KLHL1: variants seen among roughly 807,000 people sequenced by gnomAD.
KLHL1 encodes kelch like family member 1, also known as kelch-like protein 1.
Under a neutral mutation model 77.7 loss-of-function variants are expected in KLHL1, and 47 were observed. The ratio of observed to expected loss-of-function variants is 0.60; its 90% CI spans 0.48 to 0.77. The LOEUF (loss-of-function observed/expected upper bound fraction) is 0.77. KLHL1 is among the 30% of genes least tolerant of loss of function. KLHL1 has a pLI of 0.00. For synonymous variants in KLHL1, 360 were observed against 325.2 expected (o/e 1.11, Z -1.15); for missense variants, 925 against 910.8 (o/e 1.02, Z -0.20).
At chr13:69,979,342 C>A (rs1884641884) in intron 1 of KLHL1, among the ~76,000 whole-genome samples, 1 of 152,038 alleles carries the variant, frequency 6.6e-6, no homozygotes, top group Admixed American at 6.6e-5. Flanking sequence ...CATTTCCTCA[C>A]ATATCATTTC....
At position 70,107,654 on chromosome 13, in the gene KLHL1, G is replaced by A. The variant is rs774985458; in HGVS notation, c.46C>T (p.Arg16Ter). The stretch of plus-strand genomic sequence containing the variant: ...TGGCTGAAGAGTTTCCAGCGGAGTC[G>A]CAGAATGTGCTTCACATCGAAGTCT... ...RKDFDVKHIL[R>*]LRWKLFSHPS... is the part of the protein sequence containing the mutation. Residue 16 changes from arginine to a stop codon, truncating the protein, a stop_gained, in exon 1 of 11, where the codon CGA becomes TGA. Coordinates refer to ENST00000377844, the MANE Select transcript of KLHL1 (RefSeq NM_020866.3). LOFTEE classifies it high-confidence loss of function. The A allele has an allele frequency of 5.2e-6, 8 of 1,545,166 alleles. No individual in the cohort carries two copies. In the Admixed American group the frequency reaches 1.7e-4, roughly 32 times the overall value.
At chr13:69,937,582 G>A in intron 4 of KLHL1, among the ~76,000 whole-genome samples, 1 of 152,038 alleles carries the variant, frequency 6.6e-6, no homozygotes, top group East Asian at 1.9e-4. Flanking sequence ...TGCTATTCTG[G>A]TGCTATCTCT....
intron 1 of KLHL1, among the ~76,000 whole-genome samples, chr13:70,001,653 TCTATTATCTATC>T (rs1264125489): frequency 2.0e-4 from 25 of 124,130 alleles, no homozygotes; most frequent in African/African-American, 7.0e-4. Flanking sequence ...GGGATATCTA[TCTATTATCTATC>T]TATCTATCTA....
chr13:69,871,814 A>G (rs1880598160), intron 5 of KLHL1, among the ~76,000 whole-genome samples: 1 of 151,644 alleles, frequency 6.6e-6, no homozygotes, highest in East Asian at 1.9e-4. Flanking sequence ...AGACTTTGTC[A>G]GTATGGCTTT....
chr13:70,031,413 T>C (rs997031748), intron 1 of KLHL1, among the ~76,000 whole-genome samples: 2 of 152,158 alleles, frequency 1.3e-5, no homozygotes, highest in East Asian at 3.9e-4. Flanking sequence ...AAATAATGTT[T>C]ATAAAAGTAA....
chr13:70,006,724 G>C (rs1885416451), intron 1 of KLHL1, among the ~76,000 whole-genome samples: 1 of 151,650 alleles, frequency 6.6e-6, no homozygotes, highest in African/African-American at 2.4e-5. Context: ...AGATCCCAAA[G>C]GCAAAGTCAC....
At chr13:70,105,755 T>G (rs183987141) in intron 1 of KLHL1, among the ~76,000 whole-genome samples, 113 of 151,222 alleles carry the variant, frequency 7.5e-4, no homozygotes, top group African/African-American at 2.6e-3. Context: ...AATAACATTT[T>G]ATAACTTCAT....
intron 1 of KLHL1, among the ~76,000 whole-genome samples, chr13:70,085,170 AAG>A: frequency 6.6e-6 from 1 of 152,298 alleles, no homozygotes; most frequent in East Asian, 1.9e-4. Flanking sequence ...TCTCTTGAAA[AAG>A]AGACAGCAAT....
chr13:69,784,676 T>G (rs1335275686), intron 7 of KLHL1, among the ~76,000 whole-genome samples: 2 of 151,426 alleles, frequency 1.3e-5, no homozygotes, highest in East Asian at 3.9e-4. Flanking sequence ...AGCACCCAGA[T>G]TCATAAAGCA....
At chr13:69,928,286 A>G (rs1255485601) in intron 4 of KLHL1, among the ~76,000 whole-genome samples, 1 of 152,164 alleles carries the variant, frequency 6.6e-6, no homozygotes, top group Non-Finnish European at 1.5e-5. Context: ...TTTCCCGCCA[A>G]TTGACAATCT....
At chr13:69,747,426 G>T (rs1441446025) in intron 7 of KLHL1, among the ~76,000 whole-genome samples, 1 of 151,610 alleles carries the variant, frequency 6.6e-6, no homozygotes, top group Non-Finnish European at 1.5e-5. Context: ...CTTTAAACTG[G>T]GGACAACTAG....
At position 69,791,509 on chromosome 13, in the gene KLHL1, G is replaced by T. The variant is rs190590842; in HGVS notation, c.1639+5229C>A. 3.9e-5 allele frequency among the ~76,000 whole-genome samples: 6 copies of T among 152,202 alleles called. No individual in the cohort carries two copies. In the East Asian group the frequency reaches 1.2e-3, roughly 29 times the overall value. On this transcript the variant is annotated intron_variant, in intron 7 of 10. Coordinates refer to ENST00000377844, the MANE Select transcript of KLHL1 (RefSeq NM_020866.3). ...TTAAAATAAAAACCAAAGACAGTGTGATCACACTACATGATTTTAAAAACT... is the reference window on the plus strand; with the variant it reads ...TTAAAATAAAAACCAAAGACAGTGTTATCACACTACATGATTTTAAAAACT...
intron 3 of KLHL1, among the ~76,000 whole-genome samples, chr13:69,942,146 G>C (rs1020951103): frequency 1.3e-5 from 2 of 151,702 alleles, no homozygotes; most frequent in African/African-American, 4.9e-5. Flanking sequence ...TTTGACTAAA[G>C]CTTGAATTGT....
chr13:69,835,899 T>A (rs1223420408), intron 6 of KLHL1, among the ~76,000 whole-genome samples: 1 of 152,014 alleles, frequency 6.6e-6, no homozygotes, highest in Non-Finnish European at 1.5e-5. Flanking sequence ...GTTTCAGAAA[T>A]AGACAACCTC....
intron 8 of KLHL1, among the ~76,000 whole-genome samples, chr13:69,738,845 A>G (rs1873871018): frequency 6.6e-6 from 1 of 152,200 alleles, no homozygotes; most frequent in African/African-American, 2.4e-5. Context: ...ATCATCCAGG[A>G]GAACTTTTCC....
At chr13:69,771,579 G>T (rs571057142) in intron 7 of KLHL1, among the ~76,000 whole-genome samples, 3 of 152,254 alleles carry the variant, frequency 2.0e-5, no homozygotes, top group African/African-American at 7.2e-5. Context: ...ACCTTTGTTA[G>T]CATAGATTCA....
In KLHL1 at chr13:69,796,745, A is replaced by G. The variant is rs781661449; in HGVS notation, c.1632T>C (p.His544=). 21 of 1,608,388 alleles carry G rather than the reference A, an allele frequency of 1.3e-5. No individual in the cohort carries two copies. Among genetic ancestry groups the G allele is most frequent in the Non-Finnish European group, 8.5e-6 (10 of 1,174,872 alleles). The change falls in exon 7 of 11, where the codon CAT becomes CAC. Residue 544 remains histidine (H), a synonymous_variant. Coordinates refer to ENST00000377844, the MANE Select transcript of KLHL1 (RefSeq NM_020866.3). ...AATAAAGTAAGATCTTACCTAGACC[A>G]TGTCTGTGTGTTGACATTGGTGGTA... ...TVLPPMSTHR[H]GLGVTVLEGP...
chr13:69,940,944 A>G (rs992144364), intron 3 of KLHL1, among the ~76,000 whole-genome samples: 1 of 151,924 alleles, frequency 6.6e-6, no homozygotes, highest in Non-Finnish European at 1.5e-5. Flanking sequence ...CTGGAGTTAC[A>G]TTTTAATTAG....
At chr13:69,834,668 G>C (rs1406471725) in intron 6 of KLHL1, among the ~76,000 whole-genome samples, 1 of 152,036 alleles carries the variant, frequency 6.6e-6, no homozygotes. Context: ...GATAACAAAT[G>C]TTATCACAAT....
Sources: allele counts gnomAD v4.1 joint callset (sites outside exome capture counted in the v4.1 genomes callset), GRCh38; gene constraint gnomAD v4.1.1; transcripts MANE v1.5; gene names NCBI Gene and HGNC (gene_info 2026-07-23, HGNC 2026-07-21).